PHF2: variants seen among roughly 807,000 people sequenced by gnomAD.
The protein encoded by PHF2 is lysine-specific demethylase PHF2.
A neutral mutation model predicts 120.5 loss-of-function variants in PHF2; 27 were observed. That is an observed-to-expected ratio of 0.22 (90% confidence interval 0.17 to 0.31). The LOEUF (loss-of-function observed/expected upper bound fraction) is 0.31. PHF2 is among the 10% of genes least tolerant of loss of function. PHF2 has a pLI of 1.00. For missense variants in PHF2, 1,024 were observed against 1,434.8 expected, an observed-to-expected ratio of 0.71 and a Z score of 4.63; for synonymous variants, 568 against 592.5, an observed-to-expected ratio of 0.96 and a Z score of 0.60.
chr9:93,586,957 C>A (rs1390129179), intron 1 of PHF2, among the ~76,000 whole-genome samples: 1 of 152,100 alleles, frequency 6.6e-6, no homozygotes, highest in African/African-American at 2.4e-5. Context: ...ATGTGGCTGG[C>A]CCCCAAATGA....
intron 6 of PHF2, among the ~76,000 whole-genome samples, 155 bp from the exon 7 acceptor site, chr9:93,654,258 T>C (rs1292021823): frequency 1.3e-5 from 2 of 152,178 alleles, no homozygotes. Flanking sequence ...CTTCCTAACA[T>C]GCACATTTCT....
At chr9:93,595,011 C>T (rs1825305407) in intron 1 of PHF2, 1 of 152,664 alleles carries the variant, frequency 6.6e-6, no homozygotes, top group African/African-American at 2.4e-5. Context: ...CAATCACCAG[C>T]AGGTACTCAG....
Position 93,636,287 on chromosome 9 carries a change from AG to A in PHF2, c.185-123del, listed in dbSNP as rs1395853880. 18 of 697,838 alleles carry A rather than the reference AG, an allele frequency of 2.6e-5. No homozygotes were observed. The Admixed American group carries it at 4.3e-4, about 17-fold the overall frequency. 43.2% of individuals were successfully genotyped at this position (697,838 alleles called of 1,614,324 possible). A position where few individuals can be genotyped will look rare whatever the true frequency, so the allele number is the denominator to read the frequency against. ...GGGGTGTCATCAGTCTTGAGAGGTG[AG>A]CATGAGCCCAGCAATGCTGGGAGTT... On this transcript the variant is annotated intron_variant, in intron 2 of 21. Coordinates refer to ENST00000359246, the MANE Select transcript of PHF2 (RefSeq NM_005392.4).
intron 1 of PHF2, among the ~76,000 whole-genome samples, chr9:93,609,575 A>C (rs1825601008): frequency 6.7e-6 from 1 of 150,176 alleles, no homozygotes; most frequent in African/African-American, 2.5e-5. Context: ...TTCTTTCAAC[A>C]CTTTGAATGT....
intron 1 of PHF2, among the ~76,000 whole-genome samples, chr9:93,590,038 T>G (rs1352882562): frequency 4.6e-5 from 7 of 152,254 alleles, no homozygotes; most frequent in Admixed American, 4.6e-4. Context: ...TATGTTTTTG[T>G]GCATGTATGC....
chr9:93,675,263 A>G (rs1826887472), intron 19 of PHF2, among the ~76,000 whole-genome samples: 1 of 152,178 alleles, frequency 6.6e-6, no homozygotes, highest in South Asian at 2.1e-4. Context: ...CCCCAACTCA[A>G]AAGCCCTCAC....
chr9:93,647,412 C>T (rs1174978961), intron 4 of PHF2, among the ~76,000 whole-genome samples: 1 of 152,118 alleles, frequency 6.6e-6, no homozygotes, highest in Non-Finnish European at 1.5e-5. Context: ...GGAGATGGTT[C>T]GTCGTTTGTG....
At chr9:93,630,130 T>C in intron 2 of PHF2, 75 bp downstream of exon 2, 1 of 1,442,356 alleles carries the variant, frequency 6.9e-7, no homozygotes, top group Middle Eastern at 2.4e-4. Context: ...GCGTGGAGGG[T>C]GAGGTCTCTG....
At chr9:93,659,345 G>T (rs1215995859) in intron 10 of PHF2, among the ~76,000 whole-genome samples, 166 bp from the exon 11 acceptor site, 1 of 152,242 alleles carries the variant, frequency 6.6e-6, no homozygotes, top group African/African-American at 2.4e-5. Flanking sequence ...TATTGATGGG[G>T]GCTCACAGCA....
intron 1 of PHF2, among the ~76,000 whole-genome samples, chr9:93,587,409 G>A (rs1863069168): frequency 1.3e-5 from 2 of 149,414 alleles, no homozygotes; most frequent in South Asian, 4.3e-4. Context: ...AGGAGCCCCA[G>A]GTGAGGGACG....
chr9:93,639,490 A>G (rs1016004896), intron 3 of PHF2, among the ~76,000 whole-genome samples: 1 of 152,136 alleles, frequency 6.6e-6, no homozygotes, highest in African/African-American at 2.4e-5. Flanking sequence ...AGTATTTTAT[A>G]TATACATATG....
intron 1 of PHF2, among the ~76,000 whole-genome samples, chr9:93,581,386 T>C (rs1430705696): frequency 2.0e-5 from 3 of 152,134 alleles, no homozygotes; most frequent in African/African-American, 4.8e-5. Context: ...GACAGTTAAA[T>C]CCTAGAACCT....
intron 1 of PHF2, among the ~76,000 whole-genome samples, chr9:93,584,958 C>T (rs1313741155): frequency 2.0e-5 from 3 of 152,230 alleles, no homozygotes; most frequent in Admixed American, 6.5e-5. Context: ...GACTCAGTTA[C>T]ATTTATTCCT....
rs1353688998 is a variant in PHF2 at position 93,678,980 on chromosome 9, A to G, written c.*1304A>G. ...GAAGCAAATAGTACACAAAAGATCT[A>G]TTTCAGACACATTTTGAAGATGAAT... On this transcript the variant is annotated 3_prime_UTR_variant, in exon 22 of 22. Coordinates refer to ENST00000359246, the MANE Select transcript of PHF2 (RefSeq NM_005392.4). 3.1e-6 allele frequency: 1 copy of G among 321,382 alleles called. No homozygotes were observed. The highest frequency in any genetic ancestry group is 2.2e-5 in the African/African-American group (1 of 44,638). 19.9% of individuals were successfully genotyped at this position (321,382 alleles called of 1,614,324 possible). A position where few individuals can be genotyped will look rare whatever the true frequency, so the allele number is the denominator to read the frequency against.
intron 11 of PHF2, 117 bp downstream of exon 11, chr9:93,659,717 G>C: frequency 1.1e-6 from 1 of 885,652 alleles, no homozygotes; most frequent in Admixed American, 2.2e-5. Flanking sequence ...GAAGGCCAGT[G>C]CCCCAGATGG....
At chr9:93,658,787 C>T (rs866489650) in intron 10 of PHF2, among the ~76,000 whole-genome samples, 19 of 152,168 alleles carry the variant, frequency 1.2e-4, no homozygotes, top group South Asian at 2.1e-4. Flanking sequence ...CCACCTTGCT[C>T]TGTGACCCGG....
Position 93,660,325 on chromosome 9 carries a change from T to C in PHF2, c.1463T>C (p.Val488Ala), listed in dbSNP as rs759311303. The C allele has an allele frequency of 2.5e-6, 4 of 1,609,296 alleles. No homozygotes were observed. Among genetic ancestry groups the C allele is most frequent in the Non-Finnish European group, 2.5e-6 (3 of 1,178,302 alleles). The change falls in exon 12 of 22, where the codon GTG becomes GCG. Residue 488 changes from valine (V) to alanine (A), a missense_variant. Coordinates refer to ENST00000359246, the MANE Select transcript of PHF2 (RefSeq NM_005392.4). ...ATPPQSLLEK[V>A]SKKKTPKTVK... ...CCGCCTCAATCCCTCCTGGAGAAAG[T>C]GTCCAAAAAAAAGACTCCCAAAACT...
chr9:93,626,179 G>T (rs546508056), intron 1 of PHF2, among the ~76,000 whole-genome samples: 1 of 152,292 alleles, frequency 6.6e-6, no homozygotes, highest in Non-Finnish European at 1.5e-5. Context: ...GGAGGCAGAG[G>T]TTGCAGTGAG....
chr9:93,674,003 G>C, intron 18 of PHF2, 141 bp downstream of exon 18: 1 of 945,210 alleles, frequency 1.1e-6, no homozygotes, highest in Non-Finnish European at 1.5e-6. Flanking sequence ...TCTGACTGCT[G>C]TCCCCGGAGA....
Sources: allele counts gnomAD v4.1 joint callset (sites outside exome capture counted in the v4.1 genomes callset), GRCh38; gene constraint gnomAD v4.1.1; transcripts MANE v1.5; gene names NCBI Gene and HGNC (gene_info 2026-07-23, HGNC 2026-07-21).